The following CTDP1 variants were observed in gnomAD, a reference collection of about 807,000 sequenced individuals.
CTDP1 encodes RNA polymerase II subunit A C-terminal domain phosphatase.
A neutral mutation model predicts 91.8 loss-of-function variants in CTDP1; 47 were observed. The ratio of observed to expected loss-of-function variants is 0.51; its 90% CI spans 0.41 to 0.65. The LOEUF is 0.65. Among genes scored for constraint, CTDP1 ranks in the 30% least tolerant of loss-of-function variants. The probability of loss-of-function intolerance (pLI) is 0.00; values close to 1 mark genes in which losing one functional copy is unlikely to be tolerated. For missense variants in CTDP1, 1,272 were observed against 1,373.7 expected (o/e 0.93, Z 1.17); for synonymous variants, 656 against 598.5 (o/e 1.10, Z -1.40).
chr18:79,732,208 G>C (rs1388322342), intron 11 of CTDP1, among the ~76,000 whole-genome samples: 1 of 148,142 alleles, frequency 6.8e-6, no homozygotes, highest in Non-Finnish European at 1.5e-5. Flanking sequence ...CATCAGGAGT[G>C]CTCCCAAAAT....
At chr18:79,711,524 A>C (rs1300128464) in intron 6 of CTDP1, among the ~76,000 whole-genome samples, 1 of 152,192 alleles carries the variant, frequency 6.6e-6, no homozygotes, top group African/African-American at 2.4e-5. Context: ...CCGAGTGGGC[A>C]GAGGAATGTG....
intron 11 of CTDP1, among the ~76,000 whole-genome samples, chr18:79,733,257 C>T (rs1367778951): frequency 1.3e-5 from 2 of 151,898 alleles, no homozygotes; most frequent in Non-Finnish European, 2.9e-5. Context: ...TGTGGATCCT[C>T]GCGCCGCAGC....
At position 79,748,444 on chromosome 18, in the gene CTDP1, C is replaced by T. The variant is rs78458371; in HGVS notation, c.2748-5208C>T. ...CTCTGTGACCCCTCAGGGTGGAAGC[C>T]GTTGACCTGGTCCCAGACACTCAGC... On this transcript the variant is annotated intron_variant, in intron 12 of 12. Transcript: ENST00000613122. Among the ~76,000 whole-genome samples, 373 of 152,314 alleles carry T rather than the reference C, an allele frequency of 2.4e-3. 19 individuals are homozygous for T. In the East Asian group the frequency reaches 0.066, roughly 27 times the overall value.
At position 79,692,177 on chromosome 18, in the gene CTDP1, C is replaced by T. The variant is rs574291800; in HGVS notation, c.315-3048C>T. 7.0e-5 allele frequency among the ~76,000 whole-genome samples: 10 copies of T among 142,496 alleles called. No individual in the cohort carries two copies. The South Asian group carries it at 1.6e-3, about 23-fold the overall frequency. 93.5% of individuals were successfully genotyped at this position (142,496 alleles called of 152,430 possible). On this transcript the variant is annotated intron_variant, in intron 1 of 12. Coordinates refer to ENST00000613122, the MANE Select transcript of CTDP1 (RefSeq NM_004715.5). ...AGTGGACGGCTCCCAGGGTGGACTC[C>T]GGGTGGGGAACAGTGGAGAAAACCT...
chr18:79,731,533 G>A (rs187467923), intron 11 of CTDP1, among the ~76,000 whole-genome samples: 16 of 152,246 alleles, frequency 1.1e-4, no homozygotes, highest in African/African-American at 3.9e-4. Flanking sequence ...TTCTTCTCGG[G>A]TTTAAACCAC....
Position 79,703,970 on chromosome 18 carries a change from G to A in CTDP1, c.622-797G>A, listed in dbSNP as rs533704082. On this transcript the variant is annotated intron_variant, in intron 4 of 12. Coordinates refer to ENST00000613122, the MANE Select transcript of CTDP1 (RefSeq NM_004715.5). ...CGTTGCAGGCAGGTAGCTATTGTGA[G>A]TAGTTAGTGTAGCTGTCATCGGTGG... 3.9e-5 allele frequency among the ~76,000 whole-genome samples: 6 copies of A among 152,252 alleles called. No homozygotes were observed. In the South Asian group the frequency reaches 1.2e-3, roughly 32 times the overall value.
At chr18:79,715,677 T>A in intron 8 of CTDP1, 149 bp downstream of exon 8, 1 of 927,332 alleles carries the variant, frequency 1.1e-6, no homozygotes, top group Non-Finnish European at 1.6e-6. Flanking sequence ...ATCATGACAG[T>A]GGGTGAAATT....
rs1028353134 is a variant in CTDP1 at position 79,695,226 on chromosome 18, G to A, written c.316G>A (p.Ala106Thr). 1.2e-6 allele frequency: 2 copies of A among 1,613,974 alleles called. No individual in the cohort carries two copies. The highest frequency in any genetic ancestry group is 1.3e-5 in the African/African-American group (1 of 74,894). Residue 106 changes from alanine (A) to threonine (T), a missense_variant and splice_region_variant, in exon 2 of 13, where the codon GCG (alanine) becomes ACG (threonine). Physicochemically the swap from Ala to Thr is moderately conservative, Grantham distance 58. This residue lies in a region of CTDP1 where 214 missense variants were observed against 179.1 expected (regional missense o/e 1.19). Coordinates refer to ENST00000613122, the MANE Select transcript of CTDP1 (RefSeq NM_004715.5). The part of the protein sequence containing the change: ...AQPGQVVAPG[A>T]VLVRLEGCSH... ...TGTTCCCCTTGTGTTTTTTTGTAGA[G>A]CGGTTCTGGTGAGGTTGGAAGGATG... is the stretch of plus-strand genomic sequence containing the variant.
At chr18:79,737,975 G>A (rs1466026414) in intron 12 of CTDP1, among the ~76,000 whole-genome samples, 3 of 151,950 alleles carry the variant, frequency 2.0e-5, no homozygotes, top group African/African-American at 4.8e-5. Context: ...CTGAATCCCT[G>A]GCTGCCTCTC....
chr18:79,710,435 A>G lies in CTDP1; in HGVS notation c.862A>G (p.Arg288Gly), dbSNP rs954280542. Residue 288 changes from arginine (R) to glycine (G), a missense_variant and splice_region_variant, in exon 6 of 13, where the codon AGA (arginine) becomes GGA (glycine). Physicochemically the swap from Arg to Gly is moderately radical, Grantham distance 125 (BLOSUM62 -2). Coordinates refer to ENST00000613122, the MANE Select transcript of CTDP1 (RefSeq NM_004715.5). ...IDPFSKTGNLRNLFPCGDSMV... is the reference protein window; with the variant it reads ...IDPFSKTGNLGNLFPCGDSMV... ...CCCATTTTCTAAAACGGGAAACCTT[A>G]GGTATGTACCCAGCCGCGCTCCTCA... The G allele has an allele frequency of 6.2e-7, 1 of 1,609,784 alleles. No individual in the cohort carries two copies. Among genetic ancestry groups the G allele is most frequent in the Non-Finnish European group, 8.5e-7 (1 of 1,176,166 alleles).
intron 11 of CTDP1, among the ~76,000 whole-genome samples, chr18:79,734,028 T>A (rs969594778): frequency 6.6e-5 from 10 of 152,244 alleles, no homozygotes; most frequent in African/African-American, 2.4e-4. Context: ...TTACAATAGT[T>A]CGCTTAACAA....
intron 11 of CTDP1, among the ~76,000 whole-genome samples, chr18:79,732,974 C>T (rs190406803): frequency 2.4e-4 from 36 of 152,350 alleles, no homozygotes; most frequent in African/African-American, 8.2e-4. Flanking sequence ...TGTGAGAACT[C>T]GCTAACGTGG....
In CTDP1 at chr18:79,729,072, G is replaced by A; in HGVS notation, c.2580+3G>A. 6.2e-7 allele frequency: 1 copy of A among 1,612,876 alleles called. No homozygotes were observed. ...ATTTAGAGAGTATGGACAAAGAGGT[G>A]AGCCAACCCCACGCCCCGGTGCCCG... On this transcript the variant is annotated splice_donor_region_variant and intron_variant, in intron 11 of 12. Transcript: ENST00000613122.
chr18:79,736,185 T>C (rs2086663295), intron 11 of CTDP1, 170 bp from the exon 12 acceptor site: 1 of 799,862 alleles, frequency 1.3e-6, no homozygotes, highest in South Asian at 1.6e-5. Context: ...CCCGGGGCTT[T>C]GTTAAGGATT....
intron 1 of CTDP1, among the ~76,000 whole-genome samples, chr18:79,693,608 A>C (rs751239420): frequency 6.6e-6 from 1 of 152,184 alleles, no homozygotes; most frequent in African/African-American, 2.4e-5. Flanking sequence ...TGTGTTGCAC[A>C]TGCACTGTGT....
At chr18:79,689,114 C>T (rs904021132) in intron 1 of CTDP1, among the ~76,000 whole-genome samples, 1 of 152,106 alleles carries the variant, frequency 6.6e-6, no homozygotes, top group Non-Finnish European at 1.5e-5. Context: ...AAAAGCAAGC[C>T]CTGGACCCCA....
At position 79,714,920 on chromosome 18, in the gene CTDP1, C is replaced by T. The variant is rs776138260; in HGVS notation, c.1460C>T (p.Pro487Leu). The change falls in exon 8 of 13, where the codon CCG (proline) becomes CTG (leucine). Residue 487 changes from proline (P) to leucine (L), a missense_variant. Pro to Leu is a moderately conservative substitution (Grantham distance 98, BLOSUM62 -3). This residue lies in a region of CTDP1 where 881 missense variants were observed against 911.6 expected (regional missense o/e 0.97). Transcript: ENST00000613122. ...ESEGKRGRQK[P>L]KAAPEGAGAL... ...GAGGGGAAAAGAGGCCGGCAGAAGC[C>T]GAAGGCTGCCCCAGAGGGAGCCGGG... 4.5e-6 allele frequency: 7 copies of T among 1,565,684 alleles called. No individual in the cohort carries two copies. The highest frequency in any genetic ancestry group is 1.7e-4 in the Middle Eastern group (1 of 5,994).
chr18:79,706,572 G>A (rs1275150876), intron 5 of CTDP1, among the ~76,000 whole-genome samples: 1 of 151,606 alleles, frequency 6.6e-6, no homozygotes, highest in Non-Finnish European at 1.5e-5. Context: ...TTTTTTGTAT[G>A]TATAATTTTG....
chr18:79,677,248 C>T (rs1163264699), upstream of CTDP1: 1 of 152,374 alleles, frequency 6.6e-6, no homozygotes, highest in Non-Finnish European at 1.5e-5. Flanking sequence ...CCTGGGCTTG[C>T]GCTGTTGGTA....
Sources: allele counts gnomAD v4.1 joint callset (sites outside exome capture counted in the v4.1 genomes callset), GRCh38; gene constraint gnomAD v4.1.1; regional missense constraint gnomAD v4.1.1; transcripts MANE v1.5; gene names NCBI Gene and HGNC (gene_info 2026-07-23, HGNC 2026-07-21).